The following SORL1 variants were observed in gnomAD, a reference collection of about 807,000 sequenced individuals.
The protein encoded by SORL1 is sortilin related receptor 1.
SORL1 carries 127 observed loss-of-function variants against 273.7 expected under a neutral mutation model. The ratio of observed to expected loss-of-function variants is 0.46; its 90% confidence interval spans 0.40 to 0.54. The LOEUF is 0.54. SORL1 is among the 20% of genes least tolerant of loss of function. The probability of loss-of-function intolerance (pLI) is 0.00; values close to 1 mark genes in which losing one functional copy is unlikely to be tolerated. For missense variants in SORL1, 2,494 were observed against 2,846.1 expected, an observed-to-expected ratio of 0.88 and a Z score of 2.81; for synonymous variants, 1,031 against 1,067.4, an observed-to-expected ratio of 0.97 and a Z score of 0.66.
chr11:121,595,917 A>G lies in SORL1; in HGVS notation c.4519+145A>G. On this transcript the variant is annotated intron_variant, in intron 32 of 47. Coordinates refer to ENST00000260197, the MANE Select transcript of SORL1 (RefSeq NM_003105.6). The surrounding 1 kb of genome is among the most constrained non-coding windows in gnomAD (Gnocchi z 5.1). ...ACCATGCTCTTACTGCATTCTCCAC[A>G]AGCGCTTTGCCACGTGCACCCATAC... The G allele has an allele frequency of 1.2e-6, 1 of 859,434 alleles. No individual in the cohort carries two copies. The highest frequency in any genetic ancestry group is 1.7e-6 in the Non-Finnish European group (1 of 583,972). The allele number at this position is 859,434 out of a possible 1,614,324, so 53.2% of individuals were successfully genotyped here.
chr11:121,601,583 G>GTTTT (rs11430505), intron 32 of SORL1, among the ~76,000 whole-genome samples: 27 of 137,056 alleles, frequency 2.0e-4, no homozygotes, highest in African/African-American at 6.8e-4. Flanking sequence ...TTTAATGATT[G>GTTTT]TTTTTTTTTT....
chr11:121,596,302 T>C lies in SORL1; in HGVS notation c.4519+530T>C. ...GCCATCTGAGCCCAGTGTGAGGTGA[T>C]GCATGCATTCTCTACGGGTTTGGAG... On this transcript the variant is annotated intron_variant, in intron 32 of 47. Coordinates refer to ENST00000260197, the MANE Select transcript of SORL1 (RefSeq NM_003105.6). This position sits in a 1 kb window ranked among gnomAD's most constrained non-coding sequence, Gnocchi z 4.3. Among the ~76,000 whole-genome samples the C allele has an allele frequency of 6.6e-6, 1 of 152,236 alleles. No homozygotes were observed. The highest frequency in any genetic ancestry group is 1.9e-4 in the East Asian group (1 of 5,198).
At chr11:121,615,119 C>G in intron 41 of SORL1, 64 bp downstream of exon 41, 3 of 1,333,648 alleles carry the variant, frequency 2.2e-6, no homozygotes, top group Non-Finnish European at 3.1e-6. Flanking sequence ...TACGCCACCA[C>G]ACAACTCCAG....
chr11:121,607,511 C>T (rs1863496751), intron 37 of SORL1, among the ~76,000 whole-genome samples: 2 of 152,134 alleles, frequency 1.3e-5, no homozygotes, highest in South Asian at 2.1e-4. Flanking sequence ...GATAACCGGG[C>T]GTTTATGGGA....
intron 32 of SORL1, among the ~76,000 whole-genome samples, chr11:121,598,285 T>C (rs1054161503): frequency 4.9e-4 from 74 of 152,290 alleles, no homozygotes; most frequent in Middle Eastern, 3.4e-3. Flanking sequence ...AAGAGTGACC[T>C]CTTTGTATAT....
At chr11:121,557,974 AT>A (rs1232758239) in intron 19 of SORL1, among the ~76,000 whole-genome samples, 1 of 152,216 alleles carries the variant, frequency 6.6e-6, no homozygotes, top group Non-Finnish European at 1.5e-5. Flanking sequence ...AGAGTAATGT[AT>A]GTACTTGGTT....
Position 121,558,822 on chromosome 11 carries a change from C to T in SORL1, c.2895C>T (p.Ala965=). The T allele has an allele frequency of 6.2e-7, 1 of 1,614,110 alleles. No individual in the cohort carries two copies. The highest frequency in any genetic ancestry group is 8.5e-7 in the Non-Finnish European group (1 of 1,180,028). The part of the protein sequence containing the change: ...VILDNLPHPY[A]IAVFKNEIYW... The stretch of plus-strand genomic sequence containing the variant: ...TGGACAACCTCCCGCACCCCTATGC[C>T]ATTGCTGTCTTTAAGGTGAGTCCAT... The change falls in exon 20 of 48, where the codon GCC becomes GCT. Residue 965 remains alanine (A), a synonymous_variant. Transcript: ENST00000260197.
intron 6 of SORL1, 96 bp downstream of exon 6, chr11:121,497,145 T>C: frequency 9.8e-7 from 1 of 1,024,166 alleles, no homozygotes; most frequent in Non-Finnish European, 1.5e-6. Flanking sequence ...TACACAGGAA[T>C]TGGAAGGATG....
At chr11:121,587,394 C>T (rs1174488945) in intron 27 of SORL1, among the ~76,000 whole-genome samples, 1 of 152,190 alleles carries the variant, frequency 6.6e-6, no homozygotes, top group South Asian at 2.1e-4. Flanking sequence ...AGTTCAAGTA[C>T]GAAGGTCTTG....
rs1862346040 is a variant in SORL1, at chr11:121,541,346, AGG to A, written c.1686-2198_1686-2197del. ...CCTCCAGAGAAGTAGCTGGGACCACAGGGGGCACCACCACACGTGACTAATTT... is the reference window on the plus strand; with the variant it reads ...CCTCCAGAGAAGTAGCTGGGACCACAGGGCACCACCACACGTGACTAATTT... On this transcript the variant is annotated intron_variant, in intron 12 of 47. Transcript: ENST00000260197. 5.9e-5 allele frequency among the ~76,000 whole-genome samples: 9 copies of A among 152,134 alleles called. 1 individual carries two copies. The South Asian group carries it at 1.9e-3, about 32-fold the overall frequency.
chr11:121,607,854 T>C (rs763369938), intron 37 of SORL1, among the ~76,000 whole-genome samples: 1 of 152,172 alleles, frequency 6.6e-6, no homozygotes, highest in African/African-American at 2.4e-5. Flanking sequence ...AGAACCTTGA[T>C]ATTTGTGGAT....
At chr11:121,466,804 A>G (rs941369309) in intron 1 of SORL1, among the ~76,000 whole-genome samples, 1 of 152,096 alleles carries the variant, frequency 6.6e-6, no homozygotes, top group Non-Finnish European at 1.5e-5. Flanking sequence ...CATCTCGCCA[A>G]GCAAAGGAGC....
intron 21 of SORL1, 110 bp from the exon 22 acceptor site, chr11:121,566,830 T>C (rs1487893560): frequency 1.0e-5 from 11 of 1,062,560 alleles, no homozygotes; most frequent in Admixed American, 2.6e-5. Context: ...TGAGAGCTTC[T>C]CGCTGTCCTT....
At chr11:121,609,391 T>C (rs1417663722) in intron 38 of SORL1, 2 of 152,220 alleles carry the variant, frequency 1.3e-5, no homozygotes, top group Non-Finnish European at 2.9e-5. Context: ...ATTTTTATTG[T>C]TGTATCTCTT....
Position 121,607,226 on chromosome 11 carries a change from A to C in SORL1, c.5102A>C (p.Gln1701Pro). ...SRSGSKMWAS[Q>P]RAASNFTEIK... ...AGTGGTTCCAAGATGTGGGCCTCCC[A>C]GAGGGCTGCTAGTAACTTTACAGAA... Residue 1701 changes from glutamine (Q) to proline (P), a missense_variant, in exon 37 of 48, where the codon CAG becomes CCG. By Grantham distance (76) the Gln-to-Pro change is moderately conservative (BLOSUM62 -1). Coordinates refer to ENST00000260197, the MANE Select transcript of SORL1 (RefSeq NM_003105.6). The C allele has an allele frequency of 6.2e-7, 1 of 1,612,946 alleles. No individual in the cohort carries two copies. The highest frequency in any genetic ancestry group is 1.1e-5 in the South Asian group (1 of 91,048).
At chr11:121,458,819 C>T (rs1423372713) in intron 1 of SORL1, among the ~76,000 whole-genome samples, 1 of 152,174 alleles carries the variant, frequency 6.6e-6, no homozygotes, top group Non-Finnish European at 1.5e-5. Flanking sequence ...TGAGTTTCCT[C>T]CTGTGTTATT....
In SORL1 at chr11:121,520,884, A is replaced by G. The variant is rs188125795; in HGVS notation, c.1404+35A>G. 198 of 1,490,982 alleles carry G rather than the reference A, an allele frequency of 1.3e-4. No homozygotes were observed. In the African/African-American group the frequency reaches 2.6e-3, roughly 20 times the overall value. 92.4% of individuals were successfully genotyped at this position (1,490,982 alleles called of 1,614,324 possible). On this transcript the variant is annotated intron_variant, in intron 9 of 47. Coordinates refer to ENST00000260197, the MANE Select transcript of SORL1 (RefSeq NM_003105.6). ...CTTTAATCTTCTTTTGCTTTTTAATATAAAGGAAAGAGCCCTGCTCTGTGG... is the reference window on the plus strand; with the variant it reads ...CTTTAATCTTCTTTTGCTTTTTAATGTAAAGGAAAGAGCCCTGCTCTGTGG...
chr11:121,468,801 G>C (rs1451599078), intron 1 of SORL1, among the ~76,000 whole-genome samples: 1 of 152,198 alleles, frequency 6.6e-6, no homozygotes, highest in Non-Finnish European at 1.5e-5. Context: ...GTGTTCAAAT[G>C]CCAGTCCTCA....
chr11:121,632,779 C>G lies in SORL1; in HGVS notation c.*3216C>G, dbSNP rs147839956. On this transcript the variant is annotated 3_prime_UTR_variant, in exon 48 of 48. Transcript: ENST00000260197. ...CACTGCATCTAGTAAGATTATATTT[C>G]CAGTACACTTCCTTAGGGCAGAAAC... 9.9e-5 allele frequency: 15 copies of G among 152,180 alleles called. No homozygotes were observed. In the East Asian group the frequency reaches 2.7e-3, roughly 27 times the overall value. 9.4% of individuals were successfully genotyped at this position (152,180 alleles called of 1,614,324 possible).
Sources: allele counts gnomAD v4.1 joint callset (sites outside exome capture counted in the v4.1 genomes callset), GRCh38; gene constraint gnomAD v4.1.1; non-coding constraint Gnocchi (gnomAD v3.1); transcripts MANE v1.5; gene names NCBI Gene and HGNC (gene_info 2026-07-23, HGNC 2026-07-21).